Variants in B3GALT1 observed in about 807,000 individuals in gnomAD.
B3GALT1 encodes beta-1,3-galactosyltransferase 1.
A neutral mutation model predicts 23.2 loss-of-function variants in B3GALT1; 10 were observed. That is an observed-to-expected ratio of 0.43 (90% confidence interval 0.27 to 0.73). B3GALT1 has a LOEUF of 0.73. B3GALT1 is among the 30% of genes least tolerant of loss of function. The pLI, the probability that B3GALT1 is intolerant of heterozygous loss-of-function variation, is 0.21. For synonymous variants in B3GALT1, 156 were observed against 141.5 expected (o/e 1.10, Z -0.73); for missense variants, 299 against 405.4 (o/e 0.74, Z 2.25).
At chr2:167,757,618 TTCA>T (rs1687838380) in intron 3 of B3GALT1, among the ~76,000 whole-genome samples, 1 of 152,190 alleles carries the variant, frequency 6.6e-6, no homozygotes, top group South Asian at 2.1e-4. Flanking sequence ...TGTGGCCATC[TTCA>T]TTGTAATCTT....
intron 4 of B3GALT1, among the ~76,000 whole-genome samples, chr2:167,831,377 C>G (rs999995255): frequency 6.6e-6 from 1 of 152,190 alleles, no homozygotes; most frequent in African/African-American, 2.4e-5. Context: ...TGAGTAATTA[C>G]TATGTAATCA....
intron 1 of B3GALT1, among the ~76,000 whole-genome samples, chr2:167,299,767 A>G (rs935703785): frequency 6.6e-6 from 1 of 151,356 alleles, no homozygotes; most frequent in African/African-American, 2.4e-5. Context: ...AAAAATAGTC[A>G]TTTTTTCCCC....
intron 4 of B3GALT1, among the ~76,000 whole-genome samples, chr2:167,828,090 C>T (rs1689266956): frequency 6.6e-6 from 1 of 152,204 alleles, no homozygotes; most frequent in Non-Finnish European, 1.5e-5. Context: ...TCATGTTTCT[C>T]ACCAGACTGT....
Position 167,408,644 on chromosome 2 carries a change from C to T in B3GALT1, c.-510-81533C>T, listed in dbSNP as rs151090204. ...CTAATAAATGGATTTAGTAAAGATA[C>T]AGGATACAAAATTAACATACAAAAA... On this transcript the variant is annotated intron_variant, in intron 1 of 4. Transcript: ENST00000392690. Among the ~76,000 whole-genome samples, 38 of 152,050 alleles carry T rather than the reference C, an allele frequency of 2.5e-4. 1 individual carries two copies. In the East Asian group the frequency reaches 7.3e-3, roughly 29 times the overall value.
At chr2:167,772,992 G>A (rs888511732) in intron 3 of B3GALT1, among the ~76,000 whole-genome samples, 1 of 152,102 alleles carries the variant, frequency 6.6e-6, no homozygotes. Flanking sequence ...GGCTTCATAA[G>A]GAAAGGAAAA....
chr2:167,659,579 T>C (rs1484078640), intron 3 of B3GALT1, among the ~76,000 whole-genome samples: 1 of 152,138 alleles, frequency 6.6e-6, no homozygotes, highest in South Asian at 2.1e-4. Flanking sequence ...TTCATGTGGT[T>C]TGTGGACAGT....
At chr2:167,574,561 T>C (rs1684351420) in intron 2 of B3GALT1, among the ~76,000 whole-genome samples, 1 of 151,728 alleles carries the variant, frequency 6.6e-6, no homozygotes, top group Admixed American at 6.6e-5. Context: ...ACAATTTCAC[T>C]TGGATATCTA....
chr2:167,333,911 CCTT>C (rs147577952), intron 1 of B3GALT1, among the ~76,000 whole-genome samples: 2,569 of 152,116 alleles, frequency 0.017, 81 homozygotes, highest in African/African-American at 0.059. Context: ...CACCGAGAAA[CCTT>C]CTTATTTAGG....
At chr2:167,380,273 G>A (rs1697829350) in intron 1 of B3GALT1, among the ~76,000 whole-genome samples, 1 of 152,152 alleles carries the variant, frequency 6.6e-6, no homozygotes, top group African/African-American at 2.4e-5. Flanking sequence ...GTGGAGCAGA[G>A]AGGGCCTCAC....
chr2:167,471,023 A>T (rs1238798517), intron 1 of B3GALT1, among the ~76,000 whole-genome samples: 1 of 152,170 alleles, frequency 6.6e-6, no homozygotes, highest in Non-Finnish European at 1.5e-5. Context: ...AGGCTGATTG[A>T]AGAGATTCAT....
chr2:167,443,161 G>A (rs1574080627), intron 1 of B3GALT1, among the ~76,000 whole-genome samples: 2 of 151,738 alleles, frequency 1.3e-5, no homozygotes, highest in Non-Finnish European at 2.9e-5. Context: ...TTTTTCTCAG[G>A]TTTGTCAAAG....
chr2:167,808,472 A>T (rs985684141), intron 3 of B3GALT1, among the ~76,000 whole-genome samples: 28 of 151,582 alleles, frequency 1.8e-4, no homozygotes, highest in Admixed American at 1.2e-3. Context: ...CTTTTAGGGC[A>T]GGCCTGGTGG....
chr2:167,811,409 A>G lies in B3GALT1; in HGVS notation c.-351-7263A>G, dbSNP rs368818084. Among the ~76,000 whole-genome samples, 132 of 152,314 alleles carry G rather than the reference A, an allele frequency of 8.7e-4. 2 individuals carry two copies. The highest frequency in any genetic ancestry group is 3.4e-3 in the Middle Eastern group (1 of 294). On this transcript the variant is annotated intron_variant, in intron 3 of 4. Coordinates refer to ENST00000392690, the MANE Select transcript of B3GALT1 (RefSeq NM_020981.4). The stretch of plus-strand genomic sequence containing the variant: ...AACTCCCTTTTTCTTTTGAAGGTCT[A>G]CTAAGGAAAATATGTCCAATTTGGA...
intron 1 of B3GALT1, among the ~76,000 whole-genome samples, chr2:167,295,511 G>T (rs748841826): frequency 1.3e-5 from 2 of 152,012 alleles, no homozygotes; most frequent in Non-Finnish European, 2.9e-5. Flanking sequence ...TTAATATGGG[G>T]GAAATAGGAT....
chr2:167,467,951 G>A (rs1699372035), intron 1 of B3GALT1, among the ~76,000 whole-genome samples: 1 of 152,112 alleles, frequency 6.6e-6, no homozygotes, highest in Non-Finnish European at 1.5e-5. Context: ...TAGATAATAA[G>A]CAACCAAAAA....
chr2:167,786,061 T>C (rs1468444705), intron 3 of B3GALT1, among the ~76,000 whole-genome samples: 1 of 152,236 alleles, frequency 6.6e-6, no homozygotes, highest in East Asian at 1.9e-4. Flanking sequence ...TGAGTCACTA[T>C]AGCTATTAAA....
chr2:167,620,315 G>A (rs1215352427), intron 2 of B3GALT1, among the ~76,000 whole-genome samples: 1 of 152,060 alleles, frequency 6.6e-6, no homozygotes, highest in Non-Finnish European at 1.5e-5. Flanking sequence ...TTGATAAATA[G>A]CCCATGTGGC....
At chr2:167,432,052 G>A (rs1030324519) in intron 1 of B3GALT1, among the ~76,000 whole-genome samples, 2 of 152,162 alleles carry the variant, frequency 1.3e-5, no homozygotes, top group African/African-American at 2.4e-5. Flanking sequence ...TAGATACCCT[G>A]GGGGACATAA....
At chr2:167,607,841 G>A (rs1684993763) in intron 2 of B3GALT1, among the ~76,000 whole-genome samples, 3 of 152,128 alleles carry the variant, frequency 2.0e-5, no homozygotes, top group Admixed American at 2.0e-4. Context: ...TTTAGCAAGT[G>A]CCAACAATTT....
Sources: gnomAD v4.1 joint callset for allele counts (sites outside exome capture counted in the v4.1 genomes callset) on GRCh38, gnomAD v4.1.1 for gene constraint, MANE v1.5 for transcripts, NCBI Gene and HGNC (gene_info 2026-07-23, HGNC 2026-07-21) for gene names.